Variants in CEPT1 observed in about 807,000 individuals in gnomAD.
CEPT1 encodes choline/ethanolaminephosphotransferase 1.
CEPT1 carries 7 observed loss-of-function variants against 42.6 expected under a neutral mutation model. The observed-to-expected ratio is 0.16, with a 90% CI of 0.09 to 0.31. The LOEUF (loss-of-function observed/expected upper bound fraction) is 0.31, where lower values mean the gene tolerates loss of function less well. Among genes scored for constraint, CEPT1 ranks in the 10% least tolerant of loss-of-function variants. The pLI is 1.00. For synonymous variants in CEPT1, 171 were observed against 171.9 expected (o/e 0.99, Z 0.04); for missense variants, 306 against 502.1 (o/e 0.61, Z 3.73).
chr1:111,158,833 C>T (rs1655710250), intron 2 of CEPT1, among the ~76,000 whole-genome samples: 1 of 151,164 alleles, frequency 6.6e-6, no homozygotes, highest in Non-Finnish European at 1.5e-5. Context: ...TTGTAATCTC[C>T]CTTGTAAGTT....
At chr1:111,172,571 T>G (rs1056360586) in intron 4 of CEPT1, among the ~76,000 whole-genome samples, 1 of 152,224 alleles carries the variant, frequency 6.6e-6, no homozygotes, top group Non-Finnish European at 1.5e-5. Flanking sequence ...TGGATTGTCA[T>G]GTAACTAGCT....
rs779384325 is a variant in CEPT1, at chr1:111,147,989, G to C, written c.275G>C (p.Gly92Ala). Residue 92 changes from glycine (G) to alanine (A), a missense_variant, in exon 2 of 9, where the codon GGA (glycine) becomes GCA (alanine). Physicochemically the swap from Gly to Ala is moderately conservative, Grantham distance 60 (BLOSUM62 0). Coordinates refer to ENST00000357172, the MANE Select transcript of CEPT1 (RefSeq NM_006090.5). ...WIAPNLITII[G>A]LSINICTTIL... ...GCCCCAAATCTCATCACCATCATTG[G>C]ACTGTCAATAAACATCTGTACAACT... The C allele has an allele frequency of 1.2e-6, 2 of 1,614,142 alleles. No individual in the cohort carries two copies. Among genetic ancestry groups the C allele is most frequent in the South Asian group, 2.2e-5 (2 of 91,082 alleles).
At chr1:111,180,426 T>C (rs116639686) in intron 5 of CEPT1, 40 of 152,178 alleles carry the variant, frequency 2.6e-4, no homozygotes, top group African/African-American at 9.4e-4. Flanking sequence ...TCTCTTGGAG[T>C]TCAAAGCAAC....
At chr1:111,166,444 G>A (rs1656149450) in intron 4 of CEPT1, among the ~76,000 whole-genome samples, 1 of 152,162 alleles carries the variant, frequency 6.6e-6, no homozygotes, top group African/African-American at 2.4e-5. Flanking sequence ...TAATGCTGGT[G>A]TGGAATTAGG....
intron 2 of CEPT1, among the ~76,000 whole-genome samples, chr1:111,151,124 G>T (rs7512688): frequency 0.15 from 21,256 of 140,472 alleles, 1,829 homozygotes; most frequent in South Asian, 0.29. Flanking sequence ...GTTTTTTTTT[G>T]TTTGTTTTTT....
At chr1:111,158,300 C>A (rs1336711908) in intron 2 of CEPT1, among the ~76,000 whole-genome samples, 1 of 152,142 alleles carries the variant, frequency 6.6e-6, no homozygotes, top group African/African-American at 2.4e-5. Flanking sequence ...TTGCAGTAAG[C>A]CAAGACTGCA....
intron 4 of CEPT1, among the ~76,000 whole-genome samples, chr1:111,171,852 C>T (rs570899484): frequency 3.0e-4 from 46 of 152,338 alleles, no homozygotes; most frequent in African/African-American, 1.0e-3. Flanking sequence ...GATTCTCCCG[C>T]CTCAGCCTCC....
At chr1:111,169,911 G>A (rs762062679) in intron 4 of CEPT1, among the ~76,000 whole-genome samples, 4 of 152,132 alleles carry the variant, frequency 2.6e-5, no homozygotes, top group Non-Finnish European at 5.9e-5. Flanking sequence ...TATAACCTTG[G>A]AAAAGTCACT....
At position 111,147,975 on chromosome 1, in the gene CEPT1, C is replaced by T. The variant is rs1557921813; in HGVS notation, c.261C>T (p.Leu87=). ...TTCCCTCCTGGATTGCCCCAAATCT[C>T]ATCACCATCATTGGACTGTCAATAA... ...RRVPSWIAPN[L]ITIIGLSINI... Residue 87 remains leucine (L), a synonymous_variant, in exon 2 of 9, where the codon CTC becomes CTT. Transcript: ENST00000357172. The T allele has an allele frequency of 6.2e-7, 1 of 1,614,196 alleles. No individual in the cohort carries two copies. The highest frequency in any genetic ancestry group is 8.5e-7 in the Non-Finnish European group (1 of 1,180,032).
chr1:111,156,462 G>C (rs1471403599), intron 2 of CEPT1, among the ~76,000 whole-genome samples: 1 of 152,106 alleles, frequency 6.6e-6, no homozygotes, highest in Non-Finnish European at 1.5e-5. Context: ...TACTTTGTTG[G>C]TTTTCTGTTT....
chr1:111,156,765 A>C (rs1156929002), intron 2 of CEPT1, among the ~76,000 whole-genome samples: 1 of 152,158 alleles, frequency 6.6e-6, no homozygotes, highest in East Asian at 1.9e-4. Flanking sequence ...AAAAGAAAAA[A>C]ATTACTCTTG....
intron 2 of CEPT1, among the ~76,000 whole-genome samples, chr1:111,151,965 G>A (rs1655300277): frequency 6.6e-6 from 1 of 152,110 alleles, no homozygotes; most frequent in Non-Finnish European, 1.5e-5. Flanking sequence ...GATTTGTAGG[G>A]CATGACTCCC....
chr1:111,147,863 G>T lies in CEPT1; in HGVS notation c.149G>T (p.Arg50Leu), dbSNP rs749655031. The T allele has an allele frequency of 1.5e-5, 24 of 1,614,056 alleles. No individual in the cohort carries two copies. Among genetic ancestry groups the T allele is most frequent in the Non-Finnish European group, 1.9e-5 (23 of 1,179,994 alleles). ...CCATTGTCAAGACACCAACTAAAGC[G>T]GCTAGAAGAACACAGATATCAAAGT... ...TPPLSRHQLKRLEEHRYQSAG... is the reference protein window; with the variant it reads ...TPPLSRHQLKLLEEHRYQSAG... Residue 50 changes from arginine to leucine, a missense_variant, in exon 2 of 9, where the codon CGG (arginine) becomes CTG (leucine). Around this residue, in one of 2 missense-constraint regions of CEPT1, gnomAD observed 253 missense variants for 447.3 expected, o/e 0.57. Coordinates refer to ENST00000357172, the MANE Select transcript of CEPT1 (RefSeq NM_006090.5).
chr1:111,182,343 C>T (rs1234429472), intron 6 of CEPT1, 25 bp downstream of exon 6: 6 of 1,601,756 alleles, frequency 3.7e-6, no homozygotes, highest in South Asian at 3.4e-5. Context: ...AGATTTTCAA[C>T]ACTTGTTTAC....
intron 1 of CEPT1, among the ~76,000 whole-genome samples, chr1:111,142,431 G>A (rs1375470052): frequency 2.0e-5 from 3 of 152,170 alleles, no homozygotes; most frequent in African/African-American, 7.2e-5. Context: ...TTTCATCAGA[G>A]TCTGGAACCA....
chr1:111,150,273 T>G (rs1436343054), intron 2 of CEPT1, among the ~76,000 whole-genome samples: 2 of 152,214 alleles, frequency 1.3e-5, no homozygotes, highest in African/African-American at 4.8e-5. Flanking sequence ...TCTTTAAATC[T>G]TATTTTGTGG....
chr1:111,163,499 G>A (rs182246920), intron 4 of CEPT1, among the ~76,000 whole-genome samples: 28 of 152,012 alleles, frequency 1.8e-4, no homozygotes, highest in Admixed American at 1.5e-3. Flanking sequence ...GCACGGTGGC[G>A]CATGCCTGTA....
intron 2 of CEPT1, 129 bp downstream of exon 2, chr1:111,148,182 CTG>C (rs754690478): frequency 1.4e-6 from 1 of 707,920 alleles, no homozygotes; most frequent in Non-Finnish European, 2.4e-6. Flanking sequence ...ATCACACACA[CTG>C]TGATAAAGCT....
intron 2 of CEPT1, among the ~76,000 whole-genome samples, chr1:111,158,179 TA>T (rs768126593): frequency 6.6e-5 from 10 of 151,646 alleles, no homozygotes; most frequent in African/African-American, 2.2e-4. Flanking sequence ...TTGTCTCTAC[TA>T]AAAAAAATAA....
Sources: allele counts gnomAD v4.1 joint callset (sites outside exome capture counted in the v4.1 genomes callset), GRCh38; gene constraint gnomAD v4.1.1; regional missense constraint gnomAD v4.1.1; transcripts MANE v1.5; gene names NCBI Gene and HGNC (gene_info 2026-07-23, HGNC 2026-07-21).